The following NCALD variants were observed in gnomAD, a reference collection of about 807,000 sequenced individuals.
NCALD encodes neurocalcin delta.
Under a neutral mutation model 18.6 loss-of-function variants are expected in NCALD, and 10 were observed. The ratio of observed to expected loss-of-function variants is 0.54; its 90% CI spans 0.33 to 0.91. NCALD has a LOEUF of 0.91. Among genes scored for constraint, NCALD ranks in the 40% least tolerant of loss-of-function variants. The pLI is 0.03. For missense variants in NCALD, 184 were observed against 247.6 expected, an observed-to-expected ratio of 0.74 and a Z score of 1.72; for synonymous variants, 88 against 87.4, an observed-to-expected ratio of 1.01 and a Z score of -0.04.
intron 2 of NCALD, among the ~76,000 whole-genome samples, chr8:101,928,415 T>C (rs567987982): frequency 6.6e-6 from 1 of 152,266 alleles, no homozygotes; most frequent in South Asian, 2.1e-4. Context: ...ACAGAGATCC[T>C]GTTAAAATGA....
intron 2 of NCALD, 86 bp downstream of exon 2, chr8:101,719,166 A>G: frequency 3.4e-6 from 5 of 1,488,688 alleles, no homozygotes; most frequent in South Asian, 1.4e-5. Flanking sequence ...CCAGTTTGCA[A>G]CCTCTGCACC....
chr8:102,036,519 A>G (rs1340568453), intron 1 of NCALD, among the ~76,000 whole-genome samples: 2 of 152,210 alleles, frequency 1.3e-5, no homozygotes, highest in Non-Finnish European at 2.9e-5. Context: ...TCACGCCTGT[A>G]ATCCCAGCAC....
chr8:101,754,697 T>C (rs1810801520), intron 1 of NCALD, among the ~76,000 whole-genome samples: 7 of 152,130 alleles, frequency 4.6e-5, no homozygotes, highest in Admixed American at 3.9e-4. Flanking sequence ...GTTATCACCA[T>C]CTAACAGATG....
intron 1 of NCALD, among the ~76,000 whole-genome samples, chr8:101,780,486 G>A (rs1021572848): frequency 4.6e-5 from 7 of 152,270 alleles, no homozygotes; most frequent in Admixed American, 3.9e-4. Context: ...CAAGAGAAGA[G>A]GAAGGACAGG....
chr8:102,081,714 TA>T (rs919663650), intron 1 of NCALD, among the ~76,000 whole-genome samples: 30 of 152,308 alleles, frequency 2.0e-4, no homozygotes, highest in African/African-American at 6.5e-4. Context: ...TCTTTCGTCA[TA>T]AAAAGAAACA....
At position 102,079,315 on chromosome 8, in the gene NCALD, G is replaced by A. The variant is rs867743459; in HGVS notation, c.-210+44922C>T. On this transcript the variant is annotated intron_variant, in intron 1 of 6. Coordinates refer to the NCALD transcript ENST00000311028. ...CTTTTCTAACCCCAAACTAGCAAAC[G>A]CATCCTGGCTATGTGAGCTGGACCA... Among the ~76,000 whole-genome samples the A allele has an allele frequency of 5.9e-5, 9 of 152,162 alleles. No individual in the cohort carries two copies. The South Asian group carries it at 1.0e-3, about 18-fold the overall frequency.
In NCALD at chr8:101,693,062, G is replaced by T. The variant is rs1814808518; in HGVS notation, c.379-166C>A. Reference sequence around the variant, plus strand: ...AGATGTGGAGGCACAGGTAGAAGAAGCCGGGCCCACAAAGCTTGTTCTCCT... The same window carrying T: ...AGATGTGGAGGCACAGGTAGAAGAATCCGGGCCCACAAAGCTTGTTCTCCT... On this transcript the variant is annotated intron_variant, in intron 2 of 3. Coordinates refer to ENST00000220931, the MANE Select transcript of NCALD (RefSeq NM_032041.3). 5.7e-6 allele frequency: 3 copies of T among 530,310 alleles called. No individual in the cohort carries two copies. In the East Asian group the frequency reaches 1.0e-4, roughly 18 times the overall value. 32.9% of individuals were successfully genotyped at this position (530,310 alleles called of 1,614,324 possible). A position where few individuals can be genotyped will look rare whatever the true frequency, so the allele number is the denominator to read the frequency against.
At chr8:101,774,646 G>A (rs1417975933) in intron 1 of NCALD, among the ~76,000 whole-genome samples, 2 of 152,218 alleles carry the variant, frequency 1.3e-5, no homozygotes, top group South Asian at 2.1e-4. Flanking sequence ...TGTCTCACAA[G>A]TGATGGAGTG....
At chr8:102,092,900 A>T (rs1230390559) in intron 1 of NCALD, among the ~76,000 whole-genome samples, 1 of 152,202 alleles carries the variant, frequency 6.6e-6, no homozygotes, top group Admixed American at 6.5e-5. Context: ...TCTTTGACTT[A>T]TGCACCTCTA....
intron 1 of NCALD, among the ~76,000 whole-genome samples, chr8:102,101,411 G>A (rs780238130): frequency 1.3e-5 from 2 of 152,228 alleles, no homozygotes; most frequent in African/African-American, 2.4e-5. Context: ...GGACTACCTG[G>A]TTTAGTGGTG....
Position 102,111,089 on chromosome 8 carries a change from CTTCT to C in NCALD, c.-210+13144_-210+13147del, listed in dbSNP as rs993641941. Among the ~76,000 whole-genome samples, 23 of 152,164 alleles carry C rather than the reference CTTCT, an allele frequency of 1.5e-4. No homozygotes were observed. In the East Asian group the frequency reaches 2.7e-3, roughly 18 times the overall value. On this transcript the variant is annotated intron_variant, in intron 1 of 6. Transcript: ENST00000311028. Reference sequence around the variant, plus strand: ...ATATTTGGAACAAGAGTGATTCTTTCTTCTTTCTAATTTTCTATATTGTGCATAT... The same window carrying C: ...ATATTTGGAACAAGAGTGATTCTTTCTTCTAATTTTCTATATTGTGCATAT...
chr8:102,059,078 C>T (rs1473940420), intron 1 of NCALD, among the ~76,000 whole-genome samples: 3 of 152,204 alleles, frequency 2.0e-5, no homozygotes, highest in East Asian at 3.8e-4. Context: ...TTCTGATCTA[C>T]AGTTATAAAT....
At position 101,834,201 on chromosome 8, in the gene NCALD, G is replaced by A. The variant is rs746460881; in HGVS notation, c.-20+52940C>T. Among the ~76,000 whole-genome samples, 28 of 152,216 alleles carry A rather than the reference G, an allele frequency of 1.8e-4. 1 individual carries two copies. The highest frequency in any genetic ancestry group is 4.0e-4 in the Non-Finnish European group (27 of 68,044). On this transcript the variant is annotated intron_variant, in intron 4 of 6. Coordinates refer to the NCALD transcript ENST00000311028. ...AAACAGAAAAAGGAGGGTGTGAAAT[G>A]TGTGCAAGGTACATCAGTCGATGCA...
At chr8:102,123,460 GAAAAAA>G (rs5893600) in intron 1 of NCALD, among the ~76,000 whole-genome samples, 3 of 140,156 alleles carry the variant, frequency 2.1e-5, no homozygotes, top group Admixed American at 7.1e-5. Flanking sequence ...TGCAGCATTA[GAAAAAA>G]AAAAAAAAAA....
chr8:102,054,984 C>G (rs936599795), intron 1 of NCALD, among the ~76,000 whole-genome samples: 2 of 151,978 alleles, frequency 1.3e-5, no homozygotes, highest in Non-Finnish European at 2.9e-5. Flanking sequence ...GAGATGTGGA[C>G]AGAGGGCACT....
chr8:101,775,257 T>G (rs1321973709), intron 1 of NCALD, among the ~76,000 whole-genome samples: 5 of 152,218 alleles, frequency 3.3e-5, no homozygotes, highest in Non-Finnish European at 7.4e-5. Context: ...AGTGCCTGTA[T>G]TCCAGCACTA....
chr8:101,832,160 C>T (rs1451404928), intron 4 of NCALD, among the ~76,000 whole-genome samples: 1 of 152,160 alleles, frequency 6.6e-6, no homozygotes, highest in African/African-American at 2.4e-5. Flanking sequence ...TACATTATAT[C>T]TGACTTAGAT....
At chr8:102,090,213 T>G (rs1422272272) in intron 1 of NCALD, among the ~76,000 whole-genome samples, 1 of 152,220 alleles carries the variant, frequency 6.6e-6, no homozygotes, top group African/African-American at 2.4e-5. Flanking sequence ...CTCCTATAAT[T>G]CTGATATGAC....
chr8:101,988,175 A>AG (rs1820898865), intron 2 of NCALD, among the ~76,000 whole-genome samples: 1 of 149,624 alleles, frequency 6.7e-6, no homozygotes, highest in Admixed American at 6.8e-5. Context: ...AAAGAAAAAA[A>AG]AAAAGAAAAG....
Sources: allele counts gnomAD v4.1 joint callset (sites outside exome capture counted in the v4.1 genomes callset), GRCh38; gene constraint gnomAD v4.1.1; transcripts MANE v1.5; gene names NCBI Gene and HGNC (gene_info 2026-07-23, HGNC 2026-07-21).